Variants in TTC22 observed in about 807,000 individuals in gnomAD.
The protein encoded by TTC22 is tetratricopeptide repeat domain 22, also known as tetratricopeptide repeat protein 22.
In TTC22, 42 loss-of-function variants were observed where a neutral mutation model predicts 48.2. The observed-to-expected ratio is 0.87, with a 90% CI of 0.68 to 1.13. TTC22 has a LOEUF of 1.13. Among genes scored for constraint, TTC22 ranks in the 50% most tolerant of loss-of-function variants. The pLI is 0.00. For synonymous variants in TTC22, 345 were observed against 365.5 expected (o/e 0.94, Z 0.64); for missense variants, 784 against 807.0 (o/e 0.97, Z 0.34).
intron 5 of TTC22, chr1:54,784,459 C>T (rs1288518642): frequency 1.2e-6 from 1 of 806,198 alleles, no homozygotes; most frequent in African/African-American, 1.9e-5. Context: ...CCCTGCCTCC[C>T]TGGTTCTATG....
chr1:54,784,959 A>T (rs1212483280), intron 5 of TTC22: 1 of 269,462 alleles, frequency 3.7e-6, no homozygotes, highest in Admixed American at 6.1e-5. Context: ...AGACAGTGAG[A>T]TAATTCAAAA....
intron 3 of TTC22, 54 bp from the exon 4 acceptor site, chr1:54,787,129 G>A: frequency 1.0e-6 from 1 of 965,558 alleles, no homozygotes; most frequent in Non-Finnish European, 1.5e-6. Flanking sequence ...TGGAGAGAGG[G>A]AAGGGGCCAT....
chr1:54,794,626 A>G (rs929763233), intron 1 of TTC22: 5 of 152,192 alleles, frequency 3.3e-5, no homozygotes, highest in African/African-American at 9.7e-5. Context: ...AGGAATGACA[A>G]ACAGGAAAGA....
At chr1:54,800,288 C>T (rs910964589) in intron 1 of TTC22, among the ~76,000 whole-genome samples, 2 of 152,128 alleles carry the variant, frequency 1.3e-5, no homozygotes, top group African/African-American at 4.8e-5. Context: ...GGTGGGTGTG[C>T]ACAGGCGCAG....
chr1:54,781,516 C>T lies in TTC22; in HGVS notation c.1437G>A (p.Leu479=). 6.6e-7 allele frequency: 1 copy of T among 1,509,368 alleles called. No homozygotes were observed. The highest frequency in any genetic ancestry group is 8.8e-7 in the Non-Finnish European group (1 of 1,136,580). The allele number at this position is 1,509,368 out of a possible 1,614,324, so 93.5% of individuals were successfully genotyped here. ...GCTGTGCCTGGCTCCACTGCGCCAGCAGCGCCTCGAGCAGGCAGCCGAAGC... is the reference window on the plus strand; with the variant it reads ...GCTGTGCCTGGCTCCACTGCGCCAGTAGCGCCTCGAGCAGGCAGCCGAAGC... The part of the protein sequence containing the change: ...TDGFGCLLEA[L]LAQWSQAQLS... Residue 479 remains leucine, a synonymous_variant, in exon 7 of 7, where the codon CTG becomes CTA. Transcript: ENST00000371276.
chr1:54,787,131 A>T (rs777335085), intron 3 of TTC22, 56 bp from the exon 4 acceptor site: 1 of 938,904 alleles, frequency 1.1e-6, no homozygotes, highest in Non-Finnish European at 1.5e-6. Context: ...GAGAGAGGGA[A>T]GGGGCCATCC....
In TTC22 at chr1:54,781,394, A is replaced by T; in HGVS notation, c.1559T>A (p.Val520Glu). Residue 520 changes from valine (V) to glutamate (E), a missense_variant, in exon 7 of 7, where the codon GTG (valine) becomes GAG (glutamate). Physicochemically the swap from Val to Glu is moderately radical, Grantham distance 121. Coordinates refer to ENST00000371276, the MANE Select transcript of TTC22 (RefSeq NM_001114108.2). ...AARLRQELQR[V>E]WRGHTDEVLG... is the part of the protein sequence containing the mutation. Reference sequence around the variant, plus strand: ...CACCTCGTCCGTGTGCCCGCGCCACACGCGCTGCAGCTCCTGGCGCAGGCG... The same window carrying T: ...CACCTCGTCCGTGTGCCCGCGCCACTCGCGCTGCAGCTCCTGGCGCAGGCG... 7.2e-7 allele frequency: 1 copy of T among 1,385,974 alleles called. No individual in the cohort carries two copies. The highest frequency in any genetic ancestry group is 9.3e-7 in the Non-Finnish European group (1 of 1,080,870). The allele number at this position is 1,385,974 out of a possible 1,614,324, so 85.9% of individuals were successfully genotyped here. A position where few individuals can be genotyped will look rare whatever the true frequency, so the allele number is the denominator to read the frequency against.
rs142120104 is a variant in TTC22, at chr1:54,787,721, G to T, written c.729C>A (p.Pro243=). The T allele has an allele frequency of 1.2e-6, 2 of 1,612,286 alleles. No homozygotes were observed. Among genetic ancestry groups the T allele is most frequent in the Non-Finnish European group, 1.7e-6 (2 of 1,179,218 alleles). Residue 243 remains proline (P), a synonymous_variant, in exon 3 of 7, where the codon CCC becomes CCA. Transcript: ENST00000371276. ...CCCCCGGGTCCCCACCTCGGTGGCG[G>T]GGGTCCTCGGACTTCAGCACTTGCC... ...LLRQVLKSED[P]RHRALAWCYL...
At chr1:54,788,558 C>A (rs1646324992) in intron 1 of TTC22, among the ~76,000 whole-genome samples, 1 of 152,228 alleles carries the variant, frequency 6.6e-6, no homozygotes, top group African/African-American at 2.4e-5. Flanking sequence ...ATTATTATTC[C>A]TGCCAACCTT....
At chr1:54,799,300 C>T (rs1016648308) in intron 1 of TTC22, among the ~76,000 whole-genome samples, 1 of 152,160 alleles carries the variant, frequency 6.6e-6, no homozygotes, top group African/African-American at 2.4e-5. Flanking sequence ...GGCCGTGTTC[C>T]CAGAGAGGGA....
chr1:54,786,549 T>G, intron 4 of TTC22: 1 of 231,614 alleles, frequency 4.3e-6, no homozygotes, highest in Non-Finnish European at 8.3e-6. Context: ...ACCCTCACTA[T>G]TGTCATTGAC....
At chr1:54,795,260 T>C (rs934864298) in intron 1 of TTC22, among the ~76,000 whole-genome samples, 1 of 152,232 alleles carries the variant, frequency 6.6e-6, no homozygotes, top group African/African-American at 2.4e-5. Flanking sequence ...CATAGGCATG[T>C]TGGCTGAGGT....
chr1:54,796,691 G>A (rs971578047), intron 1 of TTC22, among the ~76,000 whole-genome samples: 1 of 144,360 alleles, frequency 6.9e-6, no homozygotes, highest in Non-Finnish European at 1.6e-5. Flanking sequence ...TTGGGACAGG[G>A]ATTTTTTTTT....
chr1:54,796,929 G>A (rs917299155), intron 1 of TTC22, among the ~76,000 whole-genome samples: 78 of 152,262 alleles, frequency 5.1e-4, no homozygotes, highest in African/African-American at 1.7e-3. Flanking sequence ...AAACCATGTG[G>A]GGGTAAGCCA....
In TTC22 at chr1:54,800,704, C is replaced by G. The variant is rs773431332; in HGVS notation, c.460G>C (p.Gly154Arg). 16 of 1,547,062 alleles carry G rather than the reference C, an allele frequency of 1.0e-5. No homozygotes were observed. The Middle Eastern group carries it at 5.4e-4, about 52-fold the overall frequency. ...CCGACGTCGAAGCCATGCGCGTAGCCCTGCTCGGCCAGGCAGCGAGCGGCG... is the reference window on the plus strand; with the variant it reads ...CCGACGTCGAAGCCATGCGCGTAGCGCTGCTCGGCCAGGCAGCGAGCGGCG... ...LRAARCLAEQ[G>R]YAHGFDVGCA... The change falls in exon 1 of 7, where the codon GGC becomes CGC. Residue 154 changes from glycine (G) to arginine (R), a missense_variant. Transcript: ENST00000371276.
Position 54,780,326 on chromosome 1 carries a change from T to C in TTC22, c.*917A>G, listed in dbSNP as rs552135448. 6.6e-6 allele frequency: 1 copy of C among 151,778 alleles called. No individual in the cohort carries two copies. Among genetic ancestry groups the C allele is most frequent in the African/African-American group, 2.4e-5 (1 of 41,312 alleles). The allele number at this position is 151,778 out of a possible 1,614,324, so 9.4% of individuals were successfully genotyped here. ...CAACATGGCGAAACCCTGTCTCTAC[T>C]AAAAATACAAAATTAGCCAGGCCTG... On this transcript the variant is annotated 3_prime_UTR_variant, in exon 7 of 7. Transcript: ENST00000371276.
intron 1 of TTC22, among the ~76,000 whole-genome samples, chr1:54,798,352 C>A (rs1646408391): frequency 6.6e-6 from 1 of 152,212 alleles, no homozygotes; most frequent in Non-Finnish European, 1.5e-5. Flanking sequence ...GGAGTGTTCC[C>A]TCTCTGCCTC....
chr1:54,786,858 T>G (rs1646305443), intron 4 of TTC22, 99 bp downstream of exon 4: 2 of 535,556 alleles, frequency 3.7e-6, no homozygotes, highest in South Asian at 3.1e-5. Context: ...GGCCACGCGG[T>G]GGGGGTTGAT....
intron 1 of TTC22, among the ~76,000 whole-genome samples, chr1:54,798,362 C>T (rs1389492975): frequency 6.6e-6 from 1 of 152,230 alleles, no homozygotes; most frequent in Non-Finnish European, 1.5e-5. Flanking sequence ...CTCTCTGCCT[C>T]AGTCACTCCC....
Sources: allele counts gnomAD v4.1 joint callset (sites outside exome capture counted in the v4.1 genomes callset), GRCh38; gene constraint gnomAD v4.1.1; transcripts MANE v1.5; gene names NCBI Gene and HGNC (gene_info 2026-07-23, HGNC 2026-07-21).